UTRN: variants seen among roughly 807,000 people sequenced by gnomAD.
UTRN encodes utrophin.
Under a neutral mutation model 463.9 loss-of-function variants are expected in UTRN, and 283 were observed. That is an observed-to-expected ratio of 0.61 (90% CI 0.55 to 0.67). The LOEUF (loss-of-function observed/expected upper bound fraction) is 0.67. UTRN is among the 30% of genes least tolerant of loss of function. The pLI is 0.00. For missense variants in UTRN, 3,922 were observed against 4,084.3 expected, an observed-to-expected ratio of 0.96 and a Z score of 1.08; for synonymous variants, 1,442 against 1,431.5, an observed-to-expected ratio of 1.01 and a Z score of -0.17.
chr6:144,630,610 A>G (rs1003391413), intron 51 of UTRN, among the ~76,000 whole-genome samples: 2 of 152,226 alleles, frequency 1.3e-5, no homozygotes, highest in African/African-American at 2.4e-5. Context: ...GGGGATTATT[A>G]CAATTCAAGG....
At chr6:144,808,268 A>G (rs990293237) in intron 65 of UTRN, among the ~76,000 whole-genome samples, 11 of 129,094 alleles carry the variant, frequency 8.5e-5, no homozygotes, top group Admixed American at 1.6e-4. Context: ...TTATGAATCA[A>G]GAGAGTAGTC....
intron 2 of UTRN, among the ~76,000 whole-genome samples, chr6:144,377,317 G>T (rs1332940387): frequency 2.6e-5 from 4 of 152,196 alleles, no homozygotes; most frequent in African/African-American, 9.7e-5. Flanking sequence ...GATTACAGGT[G>T]TGAGCCACGG....
intron 48 of UTRN, among the ~76,000 whole-genome samples, chr6:144,552,520 C>G (rs1328790158): frequency 6.6e-6 from 1 of 152,152 alleles, no homozygotes; most frequent in Admixed American, 6.5e-5. Context: ...TTGTCCAAAA[C>G]TTCTTTCAGG....
chr6:144,568,477 G>T (rs1409490435), intron 50 of UTRN, among the ~76,000 whole-genome samples: 1 of 152,028 alleles, frequency 6.6e-6, no homozygotes, highest in Non-Finnish European at 1.5e-5. Context: ...CTCTAGCTGT[G>T]TTCTGATCTT....
intron 51 of UTRN, among the ~76,000 whole-genome samples, chr6:144,651,552 T>G (rs1477781851): frequency 6.6e-6 from 1 of 152,216 alleles, no homozygotes; most frequent in Non-Finnish European, 1.5e-5. Flanking sequence ...GATGAAATAA[T>G]ACAGATAAGT....
chr6:144,559,123 C>G (rs1799642495), intron 50 of UTRN, among the ~76,000 whole-genome samples: 1 of 146,178 alleles, frequency 6.8e-6, no homozygotes, highest in African/African-American at 2.5e-5. Flanking sequence ...TTTTTTTTTG[C>G]TTTTACTTTG....
intron 51 of UTRN, among the ~76,000 whole-genome samples, chr6:144,605,188 G>A (rs1210160375): frequency 2.0e-5 from 3 of 152,060 alleles, no homozygotes; most frequent in Non-Finnish European, 4.4e-5. Flanking sequence ...CAGGTCATAG[G>A]ACCTTCTCAG....
intron 48 of UTRN, among the ~76,000 whole-genome samples, 193 bp downstream of exon 48, chr6:144,551,275 C>G (rs1240837408): frequency 6.6e-6 from 1 of 151,994 alleles, no homozygotes; most frequent in Non-Finnish European, 1.5e-5. Flanking sequence ...GTTTTGTGAA[C>G]ATTGTTACAA....
intron 2 of UTRN, among the ~76,000 whole-genome samples, chr6:144,391,959 G>C (rs965354871): frequency 5.3e-5 from 8 of 152,156 alleles, no homozygotes; most frequent in Non-Finnish European, 8.8e-5. Context: ...CCTTTTGAAG[G>C]TCATAGTTAA....
intron 51 of UTRN, among the ~76,000 whole-genome samples, chr6:144,584,676 C>CT (rs568891099): frequency 0.037 from 5,474 of 147,300 alleles, 247 homozygotes; most frequent in African/African-American, 0.11. Flanking sequence ...TGTCTGGAAA[C>CT]TTTTTTTTTT....
At position 144,778,540 on chromosome 6, in the gene UTRN, G is replaced by A. The variant is rs117108591; in HGVS notation, c.8633-3382G>A. On this transcript the variant is annotated intron_variant, in intron 60 of 74. Transcript: ENST00000367545. ...AGTGAGGGCCTCAGGCTCACAGAAT[G>A]AAATGCCAGATGTGAAACCTTGAGC... Among the ~76,000 whole-genome samples, 463 of 152,038 alleles carry A rather than the reference G, an allele frequency of 3.0e-3. 5 individuals are homozygous for A. The highest frequency in any genetic ancestry group is 0.022 in the East Asian group (116 of 5,172).
chr6:144,564,247 G>A (rs1001779331), intron 50 of UTRN, among the ~76,000 whole-genome samples: 1 of 152,178 alleles, frequency 6.6e-6, no homozygotes, highest in East Asian at 1.9e-4. Flanking sequence ...TGCTATGTAA[G>A]AGAGGGACTT....
intron 50 of UTRN, among the ~76,000 whole-genome samples, chr6:144,564,542 A>C (rs1216061603): frequency 6.6e-6 from 1 of 152,162 alleles, no homozygotes; most frequent in Non-Finnish European, 1.5e-5. Context: ...GTAATTTATA[A>C]AGGAAAGAGT....
chr6:144,652,039 T>A (rs971835731), intron 51 of UTRN, among the ~76,000 whole-genome samples: 21 of 152,342 alleles, frequency 1.4e-4, no homozygotes, highest in Non-Finnish European at 2.9e-4. Context: ...TTATTCCATA[T>A]TCTGATTTTA....
intron 74 of UTRN, among the ~76,000 whole-genome samples, chr6:144,847,692 G>A (rs532216037): frequency 4.7e-4 from 71 of 152,218 alleles, no homozygotes; most frequent in African/African-American, 1.5e-3. Context: ...ACAAAACTCT[G>A]TTTTAGGGTA....
chr6:144,836,401 T>C lies in UTRN; in HGVS notation c.9925T>C (p.Ser3309Pro). 3 of 1,611,456 alleles carry C rather than the reference T, an allele frequency of 1.9e-6. No homozygotes were observed. In the South Asian group the frequency reaches 3.3e-5, roughly 18 times the overall value. ...PESIISPHHT[S>P]EDSELIAEAK... ...GTCGATTATATCTCCCCATCACACGTCTGAGGATTCAGAACTTATAGCAGA... is the reference window on the plus strand; with the variant it reads ...GTCGATTATATCTCCCCATCACACGCCTGAGGATTCAGAACTTATAGCAGA... Residue 3309 changes from serine to proline, a missense_variant, in exon 71 of 75, where the codon TCT becomes CCT. Ser to Pro is a moderately conservative substitution (Grantham distance 74). Around this residue, in one of 3 missense-constraint regions of UTRN, gnomAD observed 1,309 missense variants for 1,452.6 expected, o/e 0.90. Transcript: ENST00000367545.
intron 2 of UTRN, among the ~76,000 whole-genome samples, chr6:144,300,534 T>C (rs1805144081): frequency 1.3e-5 from 2 of 152,250 alleles, no homozygotes; most frequent in East Asian, 3.8e-4. Context: ...TCTTTGAAGA[T>C]ACAGGAAGGG....
chr6:144,838,732 G>C (rs1258135607), intron 71 of UTRN, among the ~76,000 whole-genome samples: 1 of 152,224 alleles, frequency 6.6e-6, no homozygotes, highest in African/African-American at 2.4e-5. Context: ...ATGAGTGGCA[G>C]AGTGGGAATT....
intron 2 of UTRN, among the ~76,000 whole-genome samples, chr6:144,363,387 T>C (rs932927858): frequency 1.8e-4 from 27 of 152,250 alleles, no homozygotes; most frequent in Non-Finnish European, 1.2e-4. Context: ...TTTCCAGAAC[T>C]GGTGAGGTGT....
Sources: allele counts gnomAD v4.1 joint callset (sites outside exome capture counted in the v4.1 genomes callset), GRCh38; gene constraint gnomAD v4.1.1; regional missense constraint gnomAD v4.1.1; transcripts MANE v1.5; gene names NCBI Gene and HGNC (gene_info 2026-07-23, HGNC 2026-07-21).